AP4E1: variants seen among roughly 807,000 people sequenced by gnomAD.
The protein encoded by AP4E1 is AP-4 complex subunit epsilon-1.
AP4E1 carries 56 observed loss-of-function variants against 128.2 expected under a neutral mutation model. That is an observed-to-expected ratio of 0.44 (90% confidence interval 0.35 to 0.55). AP4E1 has a LOEUF of 0.55. Among genes scored for constraint, AP4E1 ranks in the 20% least tolerant of loss-of-function variants. The pLI is 0.00. For synonymous variants in AP4E1, 484 were observed against 473.1 expected, an observed-to-expected ratio of 1.02 and a Z score of -0.30; for missense variants, 1,324 against 1,307.7, an observed-to-expected ratio of 1.01 and a Z score of -0.19.
chr15:50,911,677 C>T (rs2141125594), intron 1 of AP4E1, among the ~76,000 whole-genome samples: 1 of 152,108 alleles, frequency 6.6e-6, no homozygotes, highest in African/African-American at 2.4e-5. Flanking sequence ...GGGGTTTTGC[C>T]ATGTTGGCCA....
chr15:50,911,186 A>G (rs1567204820), intron 1 of AP4E1, among the ~76,000 whole-genome samples: 1 of 151,776 alleles, frequency 6.6e-6, no homozygotes. Flanking sequence ...ATATTAGCCA[A>G]AAAAAAATGG....
rs71127170 is a variant in AP4E1 at position 50,977,715 on chromosome 15, T to TG, written c.1967-6307_1967-6306insG. Among the ~76,000 whole-genome samples, 74 of 142,264 alleles carry TG rather than the reference T, an allele frequency of 5.2e-4. 2 individuals are homozygous for TG. The highest frequency in any genetic ancestry group is 6.1e-4 in the East Asian group (3 of 4,896). 93.3% of individuals were successfully genotyped at this position (142,264 alleles called of 152,430 possible). A position where few individuals can be genotyped will look rare whatever the true frequency, so the allele number is the denominator to read the frequency against. On this transcript the variant is annotated intron_variant, in intron 15 of 20. Coordinates refer to ENST00000261842, the MANE Select transcript of AP4E1 (RefSeq NM_007347.5). ...TTATCAATCTGTTATGGTTTTTTTT[T>TG]TTTTTTTTTTTAGACAGAGTCTCTC...
At chr15:50,961,046 A>G (rs1225254724) in intron 14 of AP4E1, among the ~76,000 whole-genome samples, 1 of 152,104 alleles carries the variant, frequency 6.6e-6, no homozygotes, top group African/African-American at 2.4e-5. Flanking sequence ...AAATTCCTGG[A>G]CACATCTACC....
Position 50,958,637 on chromosome 15 carries a change from C to A in AP4E1, c.1694C>A (p.Ala565Glu), listed in dbSNP as rs142762839. 201 of 1,614,132 alleles carry A rather than the reference C, an allele frequency of 1.2e-4. No homozygotes were observed. The African/African-American group carries it at 2.5e-3, about 20-fold the overall frequency. Residue 565 changes from alanine (A) to glutamate (E), a missense_variant, in exon 14 of 21, where the codon GCG becomes GAG. Ala to Glu is a moderately radical substitution (Grantham distance 107). Transcript: ENST00000261842. ...IAAVTKLTSQ[A>E]HSSNTVERLI... The stretch of plus-strand genomic sequence containing the variant: ...GCTGTGACCAAATTGACATCTCAGG[C>A]GCACTCTTCTAATACAGTTGAGAGA...
At chr15:50,913,039 T>C (rs2063583280) in intron 2 of AP4E1, among the ~76,000 whole-genome samples, 1 of 152,178 alleles carries the variant, frequency 6.6e-6, no homozygotes, top group Admixed American at 6.5e-5. Flanking sequence ...GTGTCTTCAG[T>C]ATATAAGCCA....
At position 51,005,879 on chromosome 15, in the gene AP4E1, A is replaced by G. The variant is rs1461768654; in HGVS notation, c.*3217A>G. On this transcript the variant is annotated 3_prime_UTR_variant, in exon 21 of 21. Transcript: ENST00000261842. ...TTGAAAAAGTTCAGTAATGTAATAA[A>G]TACAAAGTGATCTGCACTGTTTTTT... 7.2e-5 allele frequency: 11 copies of G among 152,432 alleles called. No individual in the cohort carries two copies. The highest frequency in any genetic ancestry group is 2.4e-4 in the African/African-American group (10 of 41,464). The allele number at this position is 152,432 out of a possible 1,614,324, so 9.4% of individuals were successfully genotyped here. A position where few individuals can be genotyped will look rare whatever the true frequency, so the allele number is the denominator to read the frequency against.
At chr15:50,995,237 T>TA (rs1430672680) in intron 17 of AP4E1, among the ~76,000 whole-genome samples, 1 of 152,162 alleles carries the variant, frequency 6.6e-6, no homozygotes, top group Non-Finnish European at 1.5e-5. Flanking sequence ...TGATTTTTCT[T>TA]ACGTTTAGCG....
intron 1 of AP4E1, among the ~76,000 whole-genome samples, chr15:50,909,143 A>T (rs910420918): frequency 5.3e-5 from 8 of 152,210 alleles, no homozygotes; most frequent in Non-Finnish European, 1.0e-4. Flanking sequence ...GTTAGTTCTG[A>T]CACTGACTCT....
At chr15:50,935,345 T>C (rs1026644548) in intron 8 of AP4E1, among the ~76,000 whole-genome samples, 1 of 148,720 alleles carries the variant, frequency 6.7e-6, no homozygotes, top group Non-Finnish European at 1.5e-5. Flanking sequence ...CGTGGAATAA[T>C]AGTATACTAT....
intron 2 of AP4E1, among the ~76,000 whole-genome samples, chr15:50,914,609 C>T (rs2063605813): frequency 7.0e-6 from 1 of 143,540 alleles, no homozygotes; most frequent in Non-Finnish European, 1.5e-5. Flanking sequence ...CAAGATCTTG[C>T]CACTGTACTC....
At position 51,005,021 on chromosome 15, in the gene AP4E1, T is replaced by A. The variant is rs1307836911; in HGVS notation, c.*2359T>A. 1 of 152,536 alleles carries A rather than the reference T, an allele frequency of 6.6e-6. No individual in the cohort carries two copies. Among genetic ancestry groups the A allele is most frequent in the Non-Finnish European group, 1.5e-5 (1 of 68,368 alleles). 9.4% of individuals were successfully genotyped at this position (152,536 alleles called of 1,614,324 possible). On this transcript the variant is annotated 3_prime_UTR_variant, in exon 21 of 21. Coordinates refer to ENST00000261842, the MANE Select transcript of AP4E1 (RefSeq NM_007347.5). ...GCCTCAGCCTCCCTAGTAGCTGGGA[T>A]TACAGGCATGCACCACCACACCCGG...
intron 14 of AP4E1, among the ~76,000 whole-genome samples, chr15:50,961,601 A>G (rs993041189): frequency 2.0e-5 from 3 of 151,784 alleles, no homozygotes; most frequent in Admixed American, 6.6e-5. Context: ...GAAAAAAAAT[A>G]CTCAACGTCA....
At chr15:50,975,869 G>C (rs1406599794) in intron 15 of AP4E1, among the ~76,000 whole-genome samples, 1 of 152,058 alleles carries the variant, frequency 6.6e-6, no homozygotes, top group Non-Finnish European at 1.5e-5. Flanking sequence ...CTAGCAATTT[G>C]GGAGGCCATG....
At chr15:50,953,128 A>G (rs2064173634) in intron 13 of AP4E1, among the ~76,000 whole-genome samples, 3 of 152,270 alleles carry the variant, frequency 2.0e-5, no homozygotes, top group South Asian at 2.1e-4. Context: ...GTAATTTATA[A>G]CTAATTTGTG....
At chr15:50,919,976 C>A (rs2063676836) in intron 3 of AP4E1, among the ~76,000 whole-genome samples, 1 of 147,538 alleles carries the variant, frequency 6.8e-6, no homozygotes, top group African/African-American at 2.5e-5. Context: ...ACTTGGGAGG[C>A]TGGGGTCAGA....
At chr15:50,908,974 C>A in intron 1 of AP4E1, 46 bp downstream of exon 1, 1 of 1,605,046 alleles carries the variant, frequency 6.2e-7, no homozygotes, top group Non-Finnish European at 8.5e-7. Context: ...GGAGTGAGGC[C>A]CCCGCGCCAG....
At chr15:50,993,671 G>C (rs1160606152) in intron 17 of AP4E1, 46 bp downstream of exon 17, 2 of 1,611,118 alleles carry the variant, frequency 1.2e-6, no homozygotes, top group African/African-American at 2.7e-5. Flanking sequence ...TCATCTGTCT[G>C]TACAAAAAAA....
At chr15:50,942,238 A>G (rs888931125) in intron 10 of AP4E1, among the ~76,000 whole-genome samples, 2 of 152,084 alleles carry the variant, frequency 1.3e-5, no homozygotes, top group Non-Finnish European at 2.9e-5. Context: ...ACTAAAGTTT[A>G]AGTAACTTTT....
intron 15 of AP4E1, among the ~76,000 whole-genome samples, chr15:50,978,724 A>C (rs568772715): frequency 2.2e-4 from 33 of 152,252 alleles, no homozygotes; most frequent in African/African-American, 7.2e-4. Flanking sequence ...ATATTCACTG[A>C]GTTGCAAGTC....
Sources: allele counts gnomAD v4.1 joint callset (sites outside exome capture counted in the v4.1 genomes callset), GRCh38; gene constraint gnomAD v4.1.1; transcripts MANE v1.5; gene names NCBI Gene and HGNC (gene_info 2026-07-23, HGNC 2026-07-21).